NSRP1: variants seen among roughly 807,000 people sequenced by gnomAD.
NSRP1 encodes the protein coiled-coil domain containing 55.
In NSRP1, 24 loss-of-function variants were observed where a neutral mutation model predicts 54.7. The observed-to-expected ratio is 0.44, with a 90% confidence interval of 0.32 to 0.62. The LOEUF (loss-of-function observed/expected upper bound fraction) is 0.62. Among genes scored for constraint, NSRP1 ranks in the 20% least tolerant of loss-of-function variants. The pLI, the probability that NSRP1 is intolerant of heterozygous loss-of-function variation, is 0.06. For synonymous variants in NSRP1, 210 were observed against 213.8 expected (o/e 0.98, Z 0.15); for missense variants, 596 against 651.2 (o/e 0.92, Z 0.92).
At chr17:30,169,204 T>C (rs1265751403) in intron 2 of NSRP1, among the ~76,000 whole-genome samples, 4 of 152,098 alleles carry the variant, frequency 2.6e-5, no homozygotes, top group Non-Finnish European at 5.9e-5. Context: ...TATAGCCTTG[T>C]GTTTTTCTTT....
intron 2 of NSRP1, among the ~76,000 whole-genome samples, chr17:30,134,280 GAT>G: frequency 6.6e-6 from 1 of 152,288 alleles, no homozygotes; most frequent in Admixed American, 6.5e-5. Context: ...AAAGATTGTT[GAT>G]TACAGATCAT....
intron 2 of NSRP1, chr17:30,156,594 A>T (rs1448493312): frequency 6.6e-6 from 1 of 151,588 alleles, no homozygotes; most frequent in Non-Finnish European, 1.5e-5. Context: ...ATCTCGGCTC[A>T]CCGCAACCTC....
chr17:30,144,644 C>T (rs902935269), intron 2 of NSRP1: 38 of 152,150 alleles, frequency 2.5e-4, no homozygotes, highest in African/African-American at 8.9e-4. Flanking sequence ...TGTATAGACA[C>T]ACACATCCCT....
intron 2 of NSRP1, 56 bp from the exon 3 acceptor site, chr17:30,172,486 C>A: frequency 6.9e-7 from 1 of 1,453,570 alleles, no homozygotes; most frequent in Non-Finnish European, 9.4e-7. Flanking sequence ...GACGCTCGTA[C>A]TGGAAAAGAA....
chr17:30,173,215 C>T (rs1905019143), intron 3 of NSRP1, among the ~76,000 whole-genome samples: 1 of 152,210 alleles, frequency 6.6e-6, no homozygotes, highest in Non-Finnish European at 1.5e-5. Flanking sequence ...CCGCCAACCT[C>T]AGCCTCCTGA....
chr17:30,153,813 G>C (rs926438162), intron 2 of NSRP1, among the ~76,000 whole-genome samples: 1 of 152,122 alleles, frequency 6.6e-6, no homozygotes, highest in African/African-American at 2.4e-5. Context: ...TTTAGTCTTA[G>C]AGGCTGTTTT....
intron 2 of NSRP1, among the ~76,000 whole-genome samples, chr17:30,145,262 T>G (rs2071843287): frequency 6.6e-6 from 1 of 152,178 alleles, no homozygotes; most frequent in Non-Finnish European, 1.5e-5. Context: ...GGGGTGGGAT[T>G]TCTAGATCAT....
At chr17:30,139,807 G>A (rs2071786606) in intron 2 of NSRP1, among the ~76,000 whole-genome samples, 1 of 152,154 alleles carries the variant, frequency 6.6e-6, no homozygotes, top group East Asian at 1.9e-4. Flanking sequence ...GGCGGATCAT[G>A]AGGTCAGGAG....
chr17:30,178,675 G>C (rs937015257), intron 4 of NSRP1, among the ~76,000 whole-genome samples: 1 of 152,078 alleles, frequency 6.6e-6, no homozygotes, highest in African/African-American at 2.4e-5. Context: ...CACAAGCACA[G>C]GCTGATTTTT....
intron 2 of NSRP1, chr17:30,122,378 T>TAC (rs2071610160): frequency 2.7e-5 from 1 of 37,328 alleles, no homozygotes; most frequent in African/African-American, 7.7e-5. Flanking sequence ...TATATATATA[T>TAC]ATATATATTT....
At chr17:30,131,983 T>C (rs1460458555) in intron 2 of NSRP1, among the ~76,000 whole-genome samples, 1 of 152,212 alleles carries the variant, frequency 6.6e-6, no homozygotes, top group Non-Finnish European at 1.5e-5. Context: ...GCGCGGTGGC[T>C]CACGCTTGTA....
chr17:30,143,808 T>C (rs1264535504), intron 2 of NSRP1, among the ~76,000 whole-genome samples: 4 of 152,172 alleles, frequency 2.6e-5, no homozygotes, highest in Non-Finnish European at 5.9e-5. Flanking sequence ...TAATAATTTG[T>C]ATATTTTAAA....
intron 2 of NSRP1, among the ~76,000 whole-genome samples, chr17:30,131,903 T>G (rs2071703253): frequency 6.6e-6 from 1 of 152,182 alleles, no homozygotes; most frequent in Non-Finnish European, 1.5e-5. Flanking sequence ...AAATTCTTTG[T>G]TGTCATTTCA....
At position 30,185,827 on chromosome 17, in the gene NSRP1, T is replaced by C. The variant is rs1455364970; in HGVS notation, c.*153T>C. 2 of 700,272 alleles carry C rather than the reference T, an allele frequency of 2.9e-6. No individual in the cohort carries two copies. The highest frequency in any genetic ancestry group is 5.7e-5 in the East Asian group (2 of 35,348). The allele number at this position is 700,272 out of a possible 1,614,324, so 43.4% of individuals were successfully genotyped here. A position where few individuals can be genotyped will look rare whatever the true frequency, so the allele number is the denominator to read the frequency against. ...TTAAGTTAAAAGTCAGTCTTACAGCTTGGATGTTTGGATGTGGATGTTTGG... is the reference window on the plus strand; with the variant it reads ...TTAAGTTAAAAGTCAGTCTTACAGCCTGGATGTTTGGATGTGGATGTTTGG... On this transcript the variant is annotated 3_prime_UTR_variant, in exon 7 of 7. Transcript: ENST00000247026.
chr17:30,148,707 GT>G (rs1316518025), intron 2 of NSRP1, among the ~76,000 whole-genome samples: 1 of 152,202 alleles, frequency 6.6e-6, no homozygotes, highest in East Asian at 1.9e-4. Context: ...TTCCTGGCTT[GT>G]AGGGGCCAGA....
chr17:30,181,480 G>T (rs895308914), intron 6 of NSRP1, among the ~76,000 whole-genome samples: 2 of 147,514 alleles, frequency 1.4e-5, no homozygotes, highest in Non-Finnish European at 3.0e-5. Context: ...ATAGCTCACT[G>T]CAGCCTTTGC....
intron 2 of NSRP1, among the ~76,000 whole-genome samples, chr17:30,152,802 C>CAT (rs1375142631): frequency 6.6e-6 from 1 of 150,988 alleles, no homozygotes; most frequent in Non-Finnish European, 1.5e-5. Flanking sequence ...TTGTTCTTCA[C>CAT]ATACGTTTCT....
intron 3 of NSRP1, among the ~76,000 whole-genome samples, chr17:30,176,736 G>A (rs1314391360): frequency 1.3e-5 from 2 of 151,858 alleles, no homozygotes; most frequent in Non-Finnish European, 2.9e-5. Flanking sequence ...TGGGGAGTGA[G>A]CAGGAGTGCC....
intron 2 of NSRP1, chr17:30,162,930 A>AGT (rs1904572012): frequency 6.6e-6 from 1 of 151,530 alleles, no homozygotes; most frequent in Admixed American, 6.6e-5. Flanking sequence ...TCCAGACTGG[A>AGT]GTGTAGTGGC....
Sources: gnomAD v4.1 joint callset for allele counts (sites outside exome capture counted in the v4.1 genomes callset) on GRCh38, gnomAD v4.1.1 for gene constraint, MANE v1.5 for transcripts, NCBI Gene and HGNC (gene_info 2026-07-23, HGNC 2026-07-21) for gene names.